Variants in DMXL2 observed in about 807,000 individuals in gnomAD.
DMXL2 encodes dmX-like protein 2.
In DMXL2, 103 loss-of-function variants were observed where a neutral mutation model predicts 331.1. The observed-to-expected ratio is 0.31, with a 90% CI of 0.27 to 0.37. The LOEUF (loss-of-function observed/expected upper bound fraction) is 0.37. Among genes scored for constraint, DMXL2 ranks in the 10% least tolerant of loss-of-function variants. The pLI, the probability that DMXL2 is intolerant of heterozygous loss-of-function variation, is 1.00. For missense variants in DMXL2, 3,171 were observed against 3,642.9 expected, an observed-to-expected ratio of 0.87 and a Z score of 3.33; for synonymous variants, 1,281 against 1,252.1, an observed-to-expected ratio of 1.02 and a Z score of -0.49.
Position 51,502,873 on chromosome 15 carries a change from T to C in DMXL2, c.2925A>G (p.Arg975=). Residue 975 remains arginine, a synonymous_variant, in exon 17 of 44, where the codon AGA becomes AGG. Coordinates refer to ENST00000560891, the MANE Select transcript of DMXL2 (RefSeq NM_001378457.1). ...QTASKLILSS[R]LVYSQPLDLP... ...GATCAAGGGGTTGGCTATACACCAGTCTAGAACTCAGAATAAGTTTACTGG... is the reference window on the plus strand; with the variant it reads ...GATCAAGGGGTTGGCTATACACCAGCCTAGAACTCAGAATAAGTTTACTGG... 2 of 1,614,086 alleles carry C rather than the reference T, an allele frequency of 1.2e-6. No individual in the cohort carries two copies. Among genetic ancestry groups the C allele is most frequent in the Non-Finnish European group, 8.5e-7 (1 of 1,180,004 alleles).
At chr15:51,617,830 C>T (rs1307285590) in intron 1 of DMXL2, among the ~76,000 whole-genome samples, 2 of 152,142 alleles carry the variant, frequency 1.3e-5, no homozygotes, top group South Asian at 2.1e-4. Flanking sequence ...AGAACCTTAC[C>T]AGAGTTTCTG....
In DMXL2 at chr15:51,538,236, C is replaced by A. The variant is rs762302730; in HGVS notation, c.1322G>T (p.Gly441Val). 7.4e-6 allele frequency: 12 copies of A among 1,613,188 alleles called. No homozygotes were observed. In the Admixed American group the frequency reaches 1.8e-4, roughly 25 times the overall value. ...EEHSQEDRER[G>V]LHMKLDHDLS... ...ACCATGGTCTAATTTCATATGTAAA[C>A]CCCGTTCTCTATCCTCCTGTGAATG... is the stretch of plus-strand genomic sequence containing the variant. The change falls in exon 10 of 44, where the codon GGT (glycine) becomes GTT (valine). Residue 441 changes from glycine (G) to valine (V), a missense_variant. Gly to Val is a moderately radical substitution (Grantham distance 109). Around this residue, in one of 7 missense-constraint regions of DMXL2, gnomAD observed 1,674 missense variants for 1,780.2 expected, o/e 0.94. Coordinates refer to ENST00000560891, the MANE Select transcript of DMXL2 (RefSeq NM_001378457.1).
intron 32 of DMXL2, among the ~76,000 whole-genome samples, chr15:51,463,701 T>G (rs1176607534): frequency 6.6e-6 from 1 of 152,200 alleles, no homozygotes; most frequent in Non-Finnish European, 1.5e-5. Context: ...CTAAAAATCA[T>G]TTCATCTAGC....
chr15:51,472,562 C>CT (rs778186218), intron 28 of DMXL2, among the ~76,000 whole-genome samples: 1 of 152,148 alleles, frequency 6.6e-6, no homozygotes, highest in Non-Finnish European at 1.5e-5. Context: ...CAACCACAGT[C>CT]TACTTTCTGT....
Position 51,597,652 on chromosome 15 carries a change from A to T in DMXL2, c.88-21471T>A, listed in dbSNP as rs147504117. On this transcript the variant is annotated intron_variant, in intron 1 of 43. Coordinates refer to ENST00000560891, the MANE Select transcript of DMXL2 (RefSeq NM_001378457.1). ...GTGCATGCATTTCTCTAGAATATAC[A>T]CACAAAAGAGGAACTGATGGATCAC... 4.6e-5 allele frequency among the ~76,000 whole-genome samples: 7 copies of T among 152,320 alleles called. No homozygotes were observed. The East Asian group carries it at 1.3e-3, about 29-fold the overall frequency.
chr15:51,487,690 T>G (rs1186960270), intron 22 of DMXL2, among the ~76,000 whole-genome samples: 2 of 152,182 alleles, frequency 1.3e-5, no homozygotes, highest in Non-Finnish European at 2.9e-5. Flanking sequence ...ACTCCTGACC[T>G]CAGGTGATCT....
intron 1 of DMXL2, among the ~76,000 whole-genome samples, chr15:51,578,902 C>T (rs539574408): frequency 2.6e-5 from 4 of 152,206 alleles, no homozygotes; most frequent in African/African-American, 9.6e-5. Context: ...CCTAGGAGTT[C>T]GAGAATAGCC....
intron 30 of DMXL2, 91 bp downstream of exon 30, chr15:51,466,086 AATTCAGG>A: frequency 9.8e-7 from 1 of 1,024,388 alleles, no homozygotes; most frequent in East Asian, 3.2e-5. Flanking sequence ...TTCTTATATA[AATTCAGG>A]ATAATAATGT....
chr15:51,452,008 A>C (rs1365815109), intron 41 of DMXL2, among the ~76,000 whole-genome samples: 2 of 152,210 alleles, frequency 1.3e-5, no homozygotes, highest in African/African-American at 2.4e-5. Context: ...CACTGCAGGG[A>C]AACAAGATGT....
At chr15:51,488,916 T>C (rs1471646789) in intron 20 of DMXL2, among the ~76,000 whole-genome samples, 1 of 152,230 alleles carries the variant, frequency 6.6e-6, no homozygotes, top group African/African-American at 2.4e-5. Flanking sequence ...TATGCACCTT[T>C]TGTTATCTTA....
intron 18 of DMXL2, among the ~76,000 whole-genome samples, chr15:51,495,724 C>T (rs1287138665): frequency 6.6e-6 from 1 of 151,670 alleles, no homozygotes; most frequent in Non-Finnish European, 1.5e-5. Flanking sequence ...GTATGGCAAG[C>T]GTAACCAAAA....
chr15:51,606,704 T>C (rs1200997566), intron 1 of DMXL2, among the ~76,000 whole-genome samples: 1 of 152,090 alleles, frequency 6.6e-6, no homozygotes, highest in African/African-American at 2.4e-5. Flanking sequence ...GTCAACAATA[T>C]CTATCACACA....
intron 1 of DMXL2, among the ~76,000 whole-genome samples, chr15:51,597,318 T>C (rs887922815): frequency 1.2e-4 from 19 of 152,220 alleles, no homozygotes; most frequent in African/African-American, 4.6e-4. Context: ...CTACCCTTTT[T>C]GGGAAATCAC....
chr15:51,471,390 G>C lies in DMXL2; in HGVS notation c.7225C>G (p.Leu2409Val), dbSNP rs140921435. The change falls in exon 29 of 44, where the codon CTT becomes GTT. Residue 2409 changes from leucine to valine, a missense_variant. Leu to Val is a conservative substitution (Grantham distance 32, BLOSUM62 1). Coordinates refer to ENST00000560891, the MANE Select transcript of DMXL2 (RefSeq NM_001378457.1). ...CGGTGTTTATCTATGTCTTCAGAAA[G>C]GACAGGAGGTGCTAAATGAAGATAG... ...QSENISAPPV[L>V]SEDIDKHRRR... The C allele has an allele frequency of 6.3e-7, 1 of 1,594,588 alleles. No homozygotes were observed. Among genetic ancestry groups the C allele is most frequent in the Non-Finnish European group, 8.5e-7 (1 of 1,170,534 alleles).
intron 1 of DMXL2, among the ~76,000 whole-genome samples, chr15:51,602,590 G>A (rs1047726735): frequency 6.6e-6 from 1 of 152,106 alleles, no homozygotes; most frequent in Admixed American, 6.5e-5. Context: ...GTAAACTCCC[G>A]GGCTCATCCC....
chr15:51,525,652 T>G (rs1293713853), intron 13 of DMXL2, among the ~76,000 whole-genome samples: 1 of 152,034 alleles, frequency 6.6e-6, no homozygotes, highest in Non-Finnish European at 1.5e-5. Flanking sequence ...TTGGTAGTAG[T>G]CTGGAAGTAC....
At chr15:51,542,266 A>G in intron 9 of DMXL2, 67 bp downstream of exon 9, 1 of 1,428,844 alleles carries the variant, frequency 7.0e-7, no homozygotes, top group Non-Finnish European at 9.7e-7. Context: ...TTATGAAAGT[A>G]GTTCCACTTT....
At chr15:51,579,501 C>T (rs934829172) in intron 1 of DMXL2, among the ~76,000 whole-genome samples, 5 of 152,150 alleles carry the variant, frequency 3.3e-5, no homozygotes, top group African/African-American at 1.2e-4. Context: ...CTGAATGGTT[C>T]ATCAGAGCAA....
intron 1 of DMXL2, among the ~76,000 whole-genome samples, chr15:51,604,204 C>G (rs899428359): frequency 2.0e-5 from 3 of 150,298 alleles, no homozygotes; most frequent in Admixed American, 2.0e-4. Flanking sequence ...ACTCAAGATT[C>G]CTTTATGATA....
Sources: gnomAD v4.1 joint callset for allele counts (sites outside exome capture counted in the v4.1 genomes callset) on GRCh38, gnomAD v4.1.1 for gene constraint, gnomAD v4.1.1 regional missense constraint, MANE v1.5 for transcripts, NCBI Gene and HGNC (gene_info 2026-07-23, HGNC 2026-07-21) for gene names.